INA: variants seen among roughly 807,000 people sequenced by gnomAD.
INA encodes alpha-internexin.
INA carries 35 observed loss-of-function variants against 40.1 expected under a neutral mutation model. The observed-to-expected ratio is 0.87, with a 90% confidence interval of 0.67 to 1.16. INA has a LOEUF of 1.16. Among genes scored for constraint, INA ranks in the 50% most tolerant of loss-of-function variants. The pLI, the probability that INA is intolerant of heterozygous loss-of-function variation, is 0.00. For synonymous variants in INA, 290 were observed against 316.9 expected (o/e 0.92, Z 0.90); for missense variants, 594 against 686.7 (o/e 0.87, Z 1.51).
rs929761390 is a variant in INA at position 103,290,029 on chromosome 10, T to A, written c.*1360T>A. On this transcript the variant is annotated 3_prime_UTR_variant, in exon 3 of 3. Coordinates refer to ENST00000369849, the MANE Select transcript of INA (RefSeq NM_032727.4). The stretch of plus-strand genomic sequence containing the variant: ...TAGATTCTGGACAGTCAGCTCTTCA[T>A]CTGCCCAACTGTGTAGCATCTGCAT... The A allele has an allele frequency of 6.6e-6, 1 of 152,646 alleles. No individual in the cohort carries two copies. The highest frequency in any genetic ancestry group is 1.5e-5 in the Non-Finnish European group (1 of 68,052). 9.5% of individuals were successfully genotyped at this position (152,646 alleles called of 1,614,324 possible).
chr10:103,288,746 T>C lies in INA; in HGVS notation c.*77T>C. On this transcript the variant is annotated 3_prime_UTR_variant, in exon 3 of 3. Coordinates refer to ENST00000369849, the MANE Select transcript of INA (RefSeq NM_032727.4). ...CTTGTTAAACAGCCTATTCCTGAAC[T>C]ATAACACCTGCCACCACTATAAAAT... The C allele has an allele frequency of 2.3e-6, 2 of 873,556 alleles. No homozygotes were observed. The highest frequency in any genetic ancestry group is 3.5e-6 in the Non-Finnish European group (2 of 566,104). 54.1% of individuals were successfully genotyped at this position (873,556 alleles called of 1,614,324 possible).
chr10:103,287,945 A>C (rs2093090313), intron 2 of INA, among the ~76,000 whole-genome samples: 1 of 152,110 alleles, frequency 6.6e-6, no homozygotes, highest in Non-Finnish European at 1.5e-5. Flanking sequence ...AGGTTGAGTA[A>C]GACAGTTTCT....
chr10:103,280,082 G>C, intron 1 of INA: 1 of 1,223,602 alleles, frequency 8.2e-7, no homozygotes, highest in African/African-American at 1.6e-5. Context: ...ATTCTAAGAA[G>C]TAGTGACAGT....
chr10:103,278,319 T>C lies in INA; in HGVS notation c.1065+43T>C. 1 of 1,407,888 alleles carries C rather than the reference T, an allele frequency of 7.1e-7. No individual in the cohort carries two copies. 87.2% of individuals were successfully genotyped at this position (1,407,888 alleles called of 1,614,324 possible). On this transcript the variant is annotated intron_variant, in intron 1 of 2. Coordinates refer to ENST00000369849, the MANE Select transcript of INA (RefSeq NM_032727.4). The surrounding 1 kb of genome is among the most constrained non-coding windows in gnomAD (Gnocchi z 4.9). ...GCGTGGGGAGGGGTGCCCTGCCCTC[T>C]TCCGCGCGTACCCTCTTCCTCTGGT...
In INA at chr10:103,277,315, C is replaced by G. The variant is rs746537046; in HGVS notation, c.104C>G (p.Ala35Gly). ...GCCCGCCTCTCTGGGGCCGGCGGCG[C>G]GGGCGGCTTCCGCTCGCAGTCGCTG... ...LSARLSGAGG[A>G]GGFRSQSLSR... The change falls in exon 1 of 3, where the codon GCG becomes GGG. Residue 35 changes from alanine to glycine, a missense_variant. Physicochemically the swap from Ala to Gly is moderately conservative, Grantham distance 60. Transcript: ENST00000369849. This position sits in a 1 kb window ranked among gnomAD's most constrained non-coding sequence, Gnocchi z 5.6. The G allele has an allele frequency of 6.3e-7, 1 of 1,585,892 alleles. No individual in the cohort carries two copies. The highest frequency in any genetic ancestry group is 1.4e-5 in the African/African-American group (1 of 71,578).
chr10:103,287,309 C>A, intron 2 of INA, 150 bp downstream of exon 2: 1 of 743,072 alleles, frequency 1.3e-6, no homozygotes, highest in Non-Finnish European at 2.1e-6. Flanking sequence ...ACTGCTCTGT[C>A]CCTCTACTTA....
intron 1 of INA, chr10:103,279,989 ATTTCT>A: frequency 7.8e-7 from 1 of 1,286,594 alleles, no homozygotes; most frequent in African/African-American, 1.5e-5. Context: ...CTAGCCCAGT[ATTTCT>A]ACAAAAAAAG....
chr10:103,277,500 C>A lies in INA; in HGVS notation c.289C>A (p.Gln97Lys), dbSNP rs2093062136. 3 of 1,589,848 alleles carry A rather than the reference C, an allele frequency of 1.9e-6. No homozygotes were observed. Among genetic ancestry groups the A allele is most frequent in the Non-Finnish European group, 2.6e-6 (3 of 1,171,392 alleles). Residue 97 changes from glutamine (Q) to lysine (K), a missense_variant, in exon 1 of 3, where the codon CAG (glutamine) becomes AAG (lysine). Physicochemically the swap from Gln to Lys is moderately conservative, Grantham distance 53. Coordinates refer to ENST00000369849, the MANE Select transcript of INA (RefSeq NM_032727.4). The surrounding 1 kb of genome is among the most constrained non-coding windows in gnomAD (Gnocchi z 5.6). ...YKIIRTNEKEQLQGLNDRFAV... is the reference protein window; with the variant it reads ...YKIIRTNEKEKLQGLNDRFAV... ...GATCATCCGCACCAACGAGAAGGAG[C>A]AGCTGCAGGGCCTCAACGACCGCTT...
At position 103,278,635 on chromosome 10, in the gene INA, G is replaced by T. The variant is rs1320145008; in HGVS notation, c.1065+359G>T. ...CCCAACGGGGCAGGTTACGTGGGCGGTGCTGTCTCGGCTATCTGGCTTGTT... is the reference window on the plus strand; with the variant it reads ...CCCAACGGGGCAGGTTACGTGGGCGTTGCTGTCTCGGCTATCTGGCTTGTT... On this transcript the variant is annotated intron_variant, in intron 1 of 2. Transcript: ENST00000369849. The surrounding 1 kb of genome is among the most constrained non-coding windows in gnomAD (Gnocchi z 4.9). Among the ~76,000 whole-genome samples, 2 of 152,146 alleles carry T rather than the reference G, an allele frequency of 1.3e-5. No homozygotes were observed. Among genetic ancestry groups the T allele is most frequent in the Admixed American group, 6.6e-5 (1 of 15,258 alleles).
chr10:103,282,037 AT>A (rs2093073932), intron 1 of INA, among the ~76,000 whole-genome samples: 1 of 152,248 alleles, frequency 6.6e-6, no homozygotes, highest in Non-Finnish European at 1.5e-5. Flanking sequence ...CTGAAGGGCA[AT>A]GCAAGACACA....
At chr10:103,285,383 C>T (rs1054376790) in intron 1 of INA, among the ~76,000 whole-genome samples, 1 of 151,838 alleles carries the variant, frequency 6.6e-6, no homozygotes, top group Non-Finnish European at 1.5e-5. Flanking sequence ...GCAACCTCTG[C>T]CTTCCAGATT....
Position 103,288,741 on chromosome 10 carries a change from T to C in INA, c.*72T>C. Reference sequence around the variant, plus strand: ...TTTGACTTGTTAAACAGCCTATTCCTGAACTATAACACCTGCCACCACTAT... The same window carrying C: ...TTTGACTTGTTAAACAGCCTATTCCCGAACTATAACACCTGCCACCACTAT... On this transcript the variant is annotated 3_prime_UTR_variant, in exon 3 of 3. Coordinates refer to ENST00000369849, the MANE Select transcript of INA (RefSeq NM_032727.4). 1 of 964,484 alleles carries C rather than the reference T, an allele frequency of 1.0e-6. No individual in the cohort carries two copies. The highest frequency in any genetic ancestry group is 1.5e-6 in the Non-Finnish European group (1 of 646,392). The allele number at this position is 964,484 out of a possible 1,614,324, so 59.7% of individuals were successfully genotyped here. A position where few individuals can be genotyped will look rare whatever the true frequency, so the allele number is the denominator to read the frequency against.
chr10:103,278,333 T>G lies in INA; in HGVS notation c.1065+57T>G. 1 of 1,350,984 alleles carries G rather than the reference T, an allele frequency of 7.4e-7. No individual in the cohort carries two copies. 83.7% of individuals were successfully genotyped at this position (1,350,984 alleles called of 1,614,324 possible). A position where few individuals can be genotyped will look rare whatever the true frequency, so the allele number is the denominator to read the frequency against. ...GCCCTGCCCTCTTCCGCGCGTACCCTCTTCCTCTGGTAAAACTGGGCCCCA... is the reference window on the plus strand; with the variant it reads ...GCCCTGCCCTCTTCCGCGCGTACCCGCTTCCTCTGGTAAAACTGGGCCCCA... On this transcript the variant is annotated intron_variant, in intron 1 of 2. Transcript: ENST00000369849. The surrounding 1 kb of genome is among the most constrained non-coding windows in gnomAD (Gnocchi z 4.9).
Position 103,277,414 on chromosome 10 carries a change from G to T in INA, c.203G>T (p.Arg68Leu), listed in dbSNP as rs761768626. The change falls in exon 1 of 3, where the codon CGG (arginine) becomes CTG (leucine). Residue 68 changes from arginine (R) to leucine (L), a missense_variant. Around this residue, in one of 2 missense-constraint regions of INA, gnomAD observed 215 missense variants for 190.6 expected, o/e 1.13. Coordinates refer to ENST00000369849, the MANE Select transcript of INA (RefSeq NM_032727.4). The surrounding 1 kb of genome is among the most constrained non-coding windows in gnomAD (Gnocchi z 5.6). ...SSLGLGLAYRRPPASDGLDLS... is the reference protein window; with the variant it reads ...SSLGLGLAYRLPPASDGLDLS... ...CTCGGCCTCGGCCTGGCCTATCGCCGGCCGCCGGCGTCCGACGGGCTGGAC... is the reference window on the plus strand; with the variant it reads ...CTCGGCCTCGGCCTGGCCTATCGCCTGCCGCCGGCGTCCGACGGGCTGGAC... The T allele has an allele frequency of 4.7e-5, 73 of 1,557,370 alleles. No homozygotes were observed. Among genetic ancestry groups the T allele is most frequent in the Non-Finnish European group, 5.8e-5 (67 of 1,158,194 alleles).
At chr10:103,286,152 A>C (rs978176863) in intron 1 of INA, among the ~76,000 whole-genome samples, 1 of 151,704 alleles carries the variant, frequency 6.6e-6, no homozygotes, top group African/African-American at 2.4e-5. Context: ...ACATAATGAG[A>C]CCTCATCTTT....
chr10:103,278,090 C>T lies in INA; in HGVS notation c.879C>T (p.Asn293=), dbSNP rs1331316535. The change falls in exon 1 of 3, where the codon AAC becomes AAT. Residue 293 remains asparagine, a synonymous_variant. Transcript: ENST00000369849. This position sits in a 1 kb window ranked among gnomAD's most constrained non-coding sequence, Gnocchi z 4.9. ...AEEWYKSKFA[N]LNEQAARSTE... ...AATGGTACAAGTCCAAGTTTGCCAA[C>T]CTGAACGAGCAGGCGGCGCGCAGCA... 6.2e-7 allele frequency: 1 copy of T among 1,613,650 alleles called. No individual in the cohort carries two copies. The highest frequency in any genetic ancestry group is 1.1e-5 in the South Asian group (1 of 91,090).
intron 2 of INA, 132 bp downstream of exon 2, chr10:103,287,291 G>C: frequency 1.1e-6 from 1 of 891,178 alleles, no homozygotes; most frequent in South Asian, 1.8e-5. Context: ...CCCCTTTCAG[G>C]TGAGCTGACT....
At chr10:103,282,320 C>T (rs988941411) in intron 1 of INA, among the ~76,000 whole-genome samples, 1 of 152,190 alleles carries the variant, frequency 6.6e-6, no homozygotes, top group African/African-American at 2.4e-5. Flanking sequence ...GCTGATGAGA[C>T]ATATCATCTA....
In INA at chr10:103,289,728, A is replaced by G. The variant is rs2093095466; in HGVS notation, c.*1059A>G. 1 of 152,232 alleles carries G rather than the reference A, an allele frequency of 6.6e-6. No homozygotes were observed. Among genetic ancestry groups the G allele is most frequent in the Admixed American group, 6.6e-5 (1 of 15,266 alleles). The allele number at this position is 152,232 out of a possible 1,614,324, so 9.4% of individuals were successfully genotyped here. A position where few individuals can be genotyped will look rare whatever the true frequency, so the allele number is the denominator to read the frequency against. ...ATTCCCCTTCCCACTAGCCTAGGTCATAAAGAGGCGTTGCTTTCACTCTCC... is the reference window on the plus strand; with the variant it reads ...ATTCCCCTTCCCACTAGCCTAGGTCGTAAAGAGGCGTTGCTTTCACTCTCC... On this transcript the variant is annotated 3_prime_UTR_variant, in exon 3 of 3. Transcript: ENST00000369849.
Sources: gnomAD v4.1 joint callset for allele counts (sites outside exome capture counted in the v4.1 genomes callset) on GRCh38, gnomAD v4.1.1 for gene constraint, gnomAD v4.1.1 regional missense constraint, Gnocchi (gnomAD v3.1) non-coding constraint, MANE v1.5 for transcripts, NCBI Gene and HGNC (gene_info 2026-07-23, HGNC 2026-07-21) for gene names.